Variants in MGAT5B observed in about 807,000 individuals in gnomAD.
MGAT5B encodes N-acetylglucosaminyl-transferase Vb.
In MGAT5B, 54 loss-of-function variants were observed where a neutral mutation model predicts 95.1. The observed-to-expected ratio is 0.57, with a 90% CI of 0.46 to 0.71. The LOEUF (loss-of-function observed/expected upper bound fraction) is 0.71. Among genes scored for constraint, MGAT5B ranks in the 30% least tolerant of loss-of-function variants. The pLI is 0.00. For synonymous variants in MGAT5B, 464 were observed against 451.0 expected (o/e 1.03, Z -0.36); for missense variants, 935 against 1,088.6 (o/e 0.86, Z 1.99).
In MGAT5B at chr17:76,869,118, G is replaced by T. The variant is rs200686681; in HGVS notation, c.68+21G>T. 4.8e-5 allele frequency: 78 copies of T among 1,612,282 alleles called. No homozygotes were observed. The highest frequency in any genetic ancestry group is 8.3e-5 in the Admixed American group (5 of 59,990). On this transcript the variant is annotated intron_variant, in intron 1 of 17. Transcript: ENST00000569840. This position sits in a 1 kb window ranked among gnomAD's most constrained non-coding sequence, Gnocchi z 7.0. ...TTTCGGTAAAGTTCCCTCCTGGTTGGTTTTTTCCCCAGGGGGGCGCCGGGT... is the reference window on the plus strand; with the variant it reads ...TTTCGGTAAAGTTCCCTCCTGGTTGTTTTTTTCCCCAGGGGGGCGCCGGGT...
chr17:76,903,993 G>GAC (rs1326203839), intron 5 of MGAT5B, among the ~76,000 whole-genome samples: 4 of 152,238 alleles, frequency 2.6e-5, no homozygotes, highest in Non-Finnish European at 5.9e-5. Flanking sequence ...CTTTGCCCCA[G>GAC]ACCTTTGAGC....
intron 4 of MGAT5B, 151 bp from the exon 5 acceptor site, chr17:76,903,152 T>A (rs568277): frequency 0.53 from 311,065 of 584,376 alleles, 92,757 homozygotes; most frequent in East Asian, 0.95. Flanking sequence ...TAGGCCCGGG[T>A]TGACCTTGTG....
At chr17:76,890,873 G>C (rs1304403301) in intron 3 of MGAT5B, among the ~76,000 whole-genome samples, 2 of 151,864 alleles carry the variant, frequency 1.3e-5, no homozygotes, top group Non-Finnish European at 2.9e-5. Flanking sequence ...GTCAGCTTTG[G>C]GGGAGGATCC....
chr17:76,905,393 G>A lies in MGAT5B; in HGVS notation c.855+60G>A. 1 of 1,421,846 alleles carries A rather than the reference G, an allele frequency of 7.0e-7. No individual in the cohort carries two copies. The highest frequency in any genetic ancestry group is 9.4e-7 in the Non-Finnish European group (1 of 1,059,362). The allele number at this position is 1,421,846 out of a possible 1,614,324, so 88.1% of individuals were successfully genotyped here. A position where few individuals can be genotyped will look rare whatever the true frequency, so the allele number is the denominator to read the frequency against. ...GAGAAAGCTCAGGGCCCCCACTTCT[G>A]AGTGGGCATGGAATAGGTCTTCAAA... On this transcript the variant is annotated intron_variant, in intron 7 of 17. Transcript: ENST00000569840. The surrounding 1 kb of genome is among the most constrained non-coding windows in gnomAD (Gnocchi z 4.2).
chr17:76,895,554 A>T (rs913007573), intron 3 of MGAT5B, among the ~76,000 whole-genome samples: 1 of 152,142 alleles, frequency 6.6e-6, no homozygotes, highest in African/African-American at 2.4e-5. Context: ...CTAGGGAAGG[A>T]TCTGTTCCAG....
rs1372367950 is a variant in MGAT5B, at chr17:76,905,057, C to G, written c.691-112C>G. 15 of 1,199,704 alleles carry G rather than the reference C, an allele frequency of 1.3e-5. No individual in the cohort carries two copies. The highest frequency in any genetic ancestry group is 9.0e-5 in the South Asian group (5 of 55,422). 74.3% of individuals were successfully genotyped at this position (1,199,704 alleles called of 1,614,324 possible). A position where few individuals can be genotyped will look rare whatever the true frequency, so the allele number is the denominator to read the frequency against. On this transcript the variant is annotated intron_variant, in intron 6 of 17. Transcript: ENST00000569840. The surrounding 1 kb of genome is among the most constrained non-coding windows in gnomAD (Gnocchi z 4.2). ...AGCCCCTTAGAAAGTGCAGGAGAAG[C>G]TGGAGCAGGCCCCAGCCTCATGGGA...
chr17:76,944,763 G>A (rs1301964755), intron 15 of MGAT5B, among the ~76,000 whole-genome samples: 1 of 152,244 alleles, frequency 6.6e-6, no homozygotes, highest in Non-Finnish European at 1.5e-5. Context: ...TGTCAGGGAT[G>A]TCCCCTTGGC....
intron 15 of MGAT5B, 175 bp from the exon 16 acceptor site, chr17:76,946,201 G>A (rs1030853216): frequency 5.9e-5 from 32 of 546,504 alleles, no homozygotes; most frequent in East Asian, 1.7e-4. Context: ...GAGGGTGTGC[G>A]GGGAACGGGG....
At chr17:76,901,461 GAGA>G (rs981498802) in intron 3 of MGAT5B, among the ~76,000 whole-genome samples, 2 of 151,828 alleles carry the variant, frequency 1.3e-5, no homozygotes, top group African/African-American at 4.8e-5. Context: ...ATCTTTGTGT[GAGA>G]AGATCTGCCA....
At chr17:76,928,989 T>C (rs1969402309) in intron 10 of MGAT5B, among the ~76,000 whole-genome samples, 1 of 151,998 alleles carries the variant, frequency 6.6e-6, no homozygotes, top group Admixed American at 6.5e-5. Context: ...CATTAGCTTT[T>C]GGAGTAGCTG....
In MGAT5B at chr17:76,915,133, G is replaced by A. The variant is rs1456843677; in HGVS notation, c.1025+8946G>A. 1.3e-5 allele frequency among the ~76,000 whole-genome samples: 2 copies of A among 152,152 alleles called. No individual in the cohort carries two copies. The highest frequency in any genetic ancestry group is 2.9e-5 in the Non-Finnish European group (2 of 68,020). ...TCAAAGGTGTGCTTGTTTATTTTTCGAGATAAGAGAGTGCACTCATGTTTA... is the reference window on the plus strand; with the variant it reads ...TCAAAGGTGTGCTTGTTTATTTTTCAAGATAAGAGAGTGCACTCATGTTTA... On this transcript the variant is annotated intron_variant, in intron 8 of 17. Transcript: ENST00000569840. The surrounding 1 kb of genome is among the most constrained non-coding windows in gnomAD (Gnocchi z 8.7).
chr17:76,946,119 G>A, intron 15 of MGAT5B: 1 of 418,930 alleles, frequency 2.4e-6, no homozygotes, highest in Middle Eastern at 6.1e-4. Context: ...TTGGGACAGG[G>A]ACCTGGGAGG....
chr17:76,893,176 AC>A (rs1967941296), intron 3 of MGAT5B, among the ~76,000 whole-genome samples: 1 of 151,732 alleles, frequency 6.6e-6, no homozygotes, highest in Admixed American at 6.6e-5. Flanking sequence ...ACACAGACAC[AC>A]CCCAGGTTGC....
intron 13 of MGAT5B, among the ~76,000 whole-genome samples, chr17:76,939,697 A>C (rs902345777): frequency 2.6e-5 from 4 of 152,142 alleles, no homozygotes; most frequent in African/African-American, 9.6e-5. Flanking sequence ...GGGAGTCCCC[A>C]GGTGTCTGTT....
At chr17:76,921,177 A>G (rs1002065613) in intron 8 of MGAT5B, among the ~76,000 whole-genome samples, 1 of 152,280 alleles carries the variant, frequency 6.6e-6, no homozygotes, top group East Asian at 1.9e-4. Flanking sequence ...CTGTGAAAAC[A>G]GGGCACCGTC....
intron 3 of MGAT5B, among the ~76,000 whole-genome samples, chr17:76,884,445 T>A (rs508793): frequency 0.35 from 53,629 of 151,766 alleles, 11,543 homozygotes; most frequent in African/African-American, 0.58. Context: ...TTATTTATTT[T>A]TTTGAGATGG....
At chr17:76,887,502 TCTCCCTCCCTCC>T (rs869081945) in intron 3 of MGAT5B, among the ~76,000 whole-genome samples, 14 of 32,110 alleles carry the variant, frequency 4.4e-4, no homozygotes, top group Non-Finnish European at 7.8e-4. Context: ...TCCCTTCCTC[TCTCCCTCCCTCC>T]CTCCCTCCCT....
chr17:76,873,243 A>T (rs547995898), intron 2 of MGAT5B, among the ~76,000 whole-genome samples: 1 of 152,248 alleles, frequency 6.6e-6, no homozygotes, highest in African/African-American at 2.4e-5. Flanking sequence ...TTGCTTCTTT[A>T]GTTGGGTGTC....
chr17:76,895,566 C>T (rs1481730071), intron 3 of MGAT5B, among the ~76,000 whole-genome samples: 1 of 152,152 alleles, frequency 6.6e-6, no homozygotes, highest in Non-Finnish European at 1.5e-5. Context: ...CTGTTCCAGG[C>T]CCTGCTCCTG....
Sources: gnomAD v4.1 joint callset for allele counts (sites outside exome capture counted in the v4.1 genomes callset) on GRCh38, gnomAD v4.1.1 for gene constraint, Gnocchi (gnomAD v3.1) non-coding constraint, MANE v1.5 for transcripts, NCBI Gene and HGNC (gene_info 2026-07-23, HGNC 2026-07-21) for gene names.